Variants in SPATA31G1 observed in about 807,000 individuals in gnomAD.
SPATA31G1 encodes spermatogenesis-associated protein 31G1.
the SPATA31G1 span, chr9:35,044,031 C>T: frequency 2.5e-6 from 4 of 1,613,598 alleles, no homozygotes; most frequent in African/African-American, 5.3e-5. Context: ...CCCTGCAGAC[C>T]CAGTTTCACC....
At chr9:35,043,017 G>A in the SPATA31G1 span, 2 of 1,614,136 alleles carry the variant, frequency 1.2e-6, no homozygotes, top group African/African-American at 1.3e-5. Flanking sequence ...TCCCACTGGA[G>A]AGCAAGCCAC....
At chr9:35,042,013 A>C in the SPATA31G1 span, 1 of 541,862 alleles carries the variant, frequency 1.8e-6, no homozygotes, top group Non-Finnish European at 3.2e-6. Context: ...TGAATAAGGC[A>C]GTTCGGTGCT....
chr9:35,043,303 GTTC>G, the SPATA31G1 span: 16 of 1,614,200 alleles, frequency 9.9e-6, no homozygotes, highest in South Asian at 1.5e-4. Context: ...TGGTCTGTTT[GTTC>G]TTCTGTCTTC....
the SPATA31G1 span, chr9:35,042,758 A>T: frequency 6.9e-7 from 1 of 1,453,704 alleles, no homozygotes. Context: ...GGATTAGGTG[A>T]GTAACTGTCC....
At chr9:35,044,109 T>C in the SPATA31G1 span, 4 of 1,614,000 alleles carry the variant, frequency 2.5e-6, no homozygotes, top group African/African-American at 4.0e-5. Flanking sequence ...CCTGTCTGAA[T>C]CCAAAGCTTT....
chr9:35,043,938 C>A, the SPATA31G1 span: 2 of 1,613,770 alleles, frequency 1.2e-6, no homozygotes. Flanking sequence ...CAACCCAGAG[C>A]TCTCTGGAAC....
At chr9:35,042,270 G>A in the SPATA31G1 span, 3 of 1,613,944 alleles carry the variant, frequency 1.9e-6, no homozygotes, top group African/African-American at 2.7e-5. Context: ...ATGGCTGCTG[G>A]AGGACCTGCT....
At chr9:35,045,704 A>T in the SPATA31G1 span, 1 of 1,614,228 alleles carries the variant, frequency 6.2e-7, no homozygotes, top group East Asian at 2.2e-5. Context: ...GGCGAAGAGC[A>T]AGTGACATCC....
At chr9:35,044,893 C>T in the SPATA31G1 span, 1 of 1,614,092 alleles carries the variant, frequency 6.2e-7, no homozygotes, top group Non-Finnish European at 8.5e-7. Context: ...GTAACGTGCC[C>T]AGGGGTTAAG....
At chr9:35,043,906 T>C in the SPATA31G1 span, 165 of 1,614,090 alleles carry the variant, frequency 1.0e-4, no homozygotes, top group East Asian at 3.1e-3. Context: ...CTCTGGGCTT[T>C]TGAGTCTCCA....
chr9:35,044,536 G>A, the SPATA31G1 span: 1 of 1,614,110 alleles, frequency 6.2e-7, no homozygotes, highest in Non-Finnish European at 8.5e-7. Context: ...AAAGAAAACT[G>A]TGTTCCTGTG....
the SPATA31G1 span, chr9:35,043,136 C>A: frequency 6.2e-7 from 1 of 1,614,226 alleles, no homozygotes; most frequent in Non-Finnish European, 8.5e-7. Flanking sequence ...CCTTCCCCAT[C>A]TTCCAGATTC....
the SPATA31G1 span, chr9:35,043,830 G>C: frequency 3.7e-6 from 6 of 1,614,050 alleles, no homozygotes; most frequent in Non-Finnish European, 5.1e-6. Flanking sequence ...ACTCCAGAGA[G>C]AGAGTTCCCT....
the SPATA31G1 span, chr9:35,045,542 G>T: frequency 5.0e-6 from 8 of 1,614,162 alleles, no homozygotes; most frequent in Non-Finnish European, 6.8e-6. Flanking sequence ...TCACAGGGAA[G>T]AACCACCCTG....
the SPATA31G1 span, chr9:35,041,650 T>TAG: frequency 1.3e-5 from 2 of 153,432 alleles, no homozygotes; most frequent in East Asian, 3.9e-4. Flanking sequence ...GGAGGATCCC[T>TAG]AGAGCTCAGG....
the SPATA31G1 span, chr9:35,043,969 C>G: frequency 6.2e-7 from 1 of 1,613,246 alleles, no homozygotes; most frequent in African/African-American, 1.3e-5. Flanking sequence ...TGTGTCCCAC[C>G]AGCATCTGAG....
At chr9:35,045,171 C>T in the SPATA31G1 span, 3 of 1,614,048 alleles carry the variant, frequency 1.9e-6, no homozygotes, top group South Asian at 3.3e-5. Context: ...TTGTCATCCT[C>T]AAGAAGTTCA....
At chr9:35,043,008 C>G in the SPATA31G1 span, 1 of 1,614,166 alleles carries the variant, frequency 6.2e-7, no homozygotes, top group Non-Finnish European at 8.5e-7. Context: ...CAAAGAAGCT[C>G]CCACTGGAGA....
At chr9:35,042,173 C>G in the SPATA31G1 span, 1 of 1,529,876 alleles carries the variant, frequency 6.5e-7, no homozygotes, top group Non-Finnish European at 8.8e-7. Flanking sequence ...GCTGTTAAGC[C>G]CAGGCCTCTG....
Sources: allele counts gnomAD v4.1 joint callset, GRCh38; gene constraint gnomAD v4.1.1; transcripts MANE v1.5; gene names NCBI Gene and HGNC (gene_info 2026-07-23, HGNC 2026-07-21).